Variants in XYLT1 observed in about 807,000 individuals in gnomAD.
XYLT1 encodes beta-D-xylosyltransferase 1.
XYLT1 carries 36 observed loss-of-function variants against 91.3 expected under a neutral mutation model. The observed-to-expected ratio is 0.39, with a 90% CI of 0.30 to 0.52. XYLT1 has a LOEUF of 0.52. Ranked by LOEUF, XYLT1 falls within the 20% of genes least tolerant of loss-of-function variation. The pLI is 0.68. For missense variants in XYLT1, 1,242 were observed against 1,284.5 expected (o/e 0.97, Z 0.51); for synonymous variants, 588 against 532.0 (o/e 1.11, Z -1.45).
intron 5 of XYLT1, among the ~76,000 whole-genome samples, chr16:17,159,432 A>G (rs2031494827): frequency 6.6e-6 from 1 of 152,220 alleles, no homozygotes; most frequent in Admixed American, 6.5e-5. Context: ...TCTGTTTATA[A>G]TACTTCACTC....
chr16:17,398,761 T>C (rs2035922360), intron 1 of XYLT1, among the ~76,000 whole-genome samples: 1 of 151,252 alleles, frequency 6.6e-6, no homozygotes, highest in Non-Finnish European at 1.5e-5. Flanking sequence ...TGCCCCTCTC[T>C]GCCTTCGCCT....
intron 1 of XYLT1, among the ~76,000 whole-genome samples, chr16:17,417,864 C>A (rs2036199882): frequency 6.6e-6 from 1 of 152,202 alleles, no homozygotes; most frequent in African/African-American, 2.4e-5. Context: ...TCTGGGGAAA[C>A]TCCCTCTTGG....
chr16:17,440,994 A>G (rs917184699), intron 1 of XYLT1, among the ~76,000 whole-genome samples: 3 of 152,150 alleles, frequency 2.0e-5, no homozygotes, highest in South Asian at 2.1e-4. Flanking sequence ...GCTGAATGAG[A>G]TAATATAGTT....
At chr16:17,174,615 G>A (rs1542420) in intron 5 of XYLT1, among the ~76,000 whole-genome samples, 40,558 of 151,976 alleles carry the variant, frequency 0.27, 5,961 homozygotes, top group South Asian at 0.47. Context: ...CCAGGGGTTG[G>A]GGGTCAGAGG....
chr16:17,341,568 T>C (rs1229503370), intron 2 of XYLT1, among the ~76,000 whole-genome samples: 1 of 152,232 alleles, frequency 6.6e-6, no homozygotes, highest in Non-Finnish European at 1.5e-5. Flanking sequence ...CACAAAGTAA[T>C]TGCAGTTCTT....
chr16:17,265,454 C>T (rs182488872), intron 2 of XYLT1, among the ~76,000 whole-genome samples: 53 of 152,308 alleles, frequency 3.5e-4, no homozygotes, highest in Non-Finnish European at 6.8e-4. Context: ...TATGCTAATG[C>T]AACCCTTTGA....
intron 2 of XYLT1, among the ~76,000 whole-genome samples, chr16:17,318,359 CCAGCACATGG>C (rs577607904): frequency 1.2e-3 from 186 of 152,344 alleles, no homozygotes; most frequent in African/African-American, 4.3e-3. Context: ...AAAGTCAACA[CCAGCACATGG>C]CTTTTCGGGG....
At chr16:17,226,042 G>C (rs1226044036) in intron 3 of XYLT1, among the ~76,000 whole-genome samples, 2 of 151,948 alleles carry the variant, frequency 1.3e-5, no homozygotes, top group African/African-American at 4.8e-5. Context: ...GTTTGAAGGG[G>C]ACCCCTCCAG....
chr16:17,330,541 C>G (rs1021895809), intron 2 of XYLT1, among the ~76,000 whole-genome samples: 1 of 152,146 alleles, frequency 6.6e-6, no homozygotes, highest in East Asian at 1.9e-4. Flanking sequence ...AATCCTAGCA[C>G]TTTGGGAGGC....
chr16:17,283,411 GA>G (rs1461901001), intron 2 of XYLT1, among the ~76,000 whole-genome samples: 2 of 152,174 alleles, frequency 1.3e-5, no homozygotes, highest in African/African-American at 4.8e-5. Flanking sequence ...TGCAGAATGT[GA>G]AGAAAGATGC....
intron 1 of XYLT1, among the ~76,000 whole-genome samples, chr16:17,425,570 C>T (rs2036307099): frequency 6.6e-6 from 1 of 152,218 alleles, no homozygotes; most frequent in South Asian, 2.1e-4. Context: ...CATTTAAACA[C>T]ATGGCACCCA....
chr16:17,383,158 C>A (rs1002827886), intron 1 of XYLT1, among the ~76,000 whole-genome samples: 1 of 151,824 alleles, frequency 6.6e-6, no homozygotes. Context: ...CAGGGACAGA[C>A]CGTTCCTTCT....
intron 1 of XYLT1, among the ~76,000 whole-genome samples, chr16:17,467,753 T>A (rs2036918780): frequency 6.6e-6 from 1 of 152,136 alleles, no homozygotes; most frequent in Admixed American, 6.5e-5. Context: ...GGAAATGCCC[T>A]ATACACAATG....
chr16:17,362,396 T>C (rs1158829812), intron 1 of XYLT1, among the ~76,000 whole-genome samples: 2 of 152,182 alleles, frequency 1.3e-5, no homozygotes, highest in African/African-American at 2.4e-5. Context: ...TTTACTAAGT[T>C]CCGATTCAGT....
At chr16:17,125,596 C>T (rs1050276084) in intron 10 of XYLT1, among the ~76,000 whole-genome samples, 4 of 152,106 alleles carry the variant, frequency 2.6e-5, no homozygotes, top group African/African-American at 7.2e-5. Context: ...CTTTTACAGG[C>T]TTTAGCTTTG....
At chr16:17,420,182 C>T (rs1033353456) in intron 1 of XYLT1, among the ~76,000 whole-genome samples, 2 of 152,150 alleles carry the variant, frequency 1.3e-5, no homozygotes, top group Non-Finnish European at 2.9e-5. Context: ...GCCACAAGTG[C>T]CCAAATTATA....
intron 1 of XYLT1, among the ~76,000 whole-genome samples, chr16:17,377,689 G>T (rs1284199013): frequency 6.6e-6 from 1 of 152,116 alleles, no homozygotes; most frequent in Non-Finnish European, 1.5e-5. Context: ...AATAGTCAGG[G>T]AGTCCTCGAA....
chr16:17,270,369 C>T (rs2033871184), intron 2 of XYLT1, among the ~76,000 whole-genome samples: 1 of 152,174 alleles, frequency 6.6e-6, no homozygotes, highest in South Asian at 2.1e-4. Flanking sequence ...CTGACTTAAC[C>T]CACTCCCCTC....
chr16:17,412,506 C>A (rs1170592584), intron 1 of XYLT1, among the ~76,000 whole-genome samples: 2 of 134,042 alleles, frequency 1.5e-5, no homozygotes, highest in Non-Finnish European at 3.0e-5. Flanking sequence ...GATTAAATAC[C>A]GTGGTAACCA....
Sources: gnomAD v4.1 joint callset for allele counts (sites outside exome capture counted in the v4.1 genomes callset) on GRCh38, gnomAD v4.1.1 for gene constraint, MANE v1.5 for transcripts, NCBI Gene and HGNC (gene_info 2026-07-23, HGNC 2026-07-21) for gene names.